The following AGBL4 variants were observed in gnomAD, a reference collection of about 807,000 sequenced individuals.
The protein encoded by AGBL4 is cytosolic carboxypeptidase 6.
Under a neutral mutation model 66.4 loss-of-function variants are expected in AGBL4, and 58 were observed. The ratio of observed to expected loss-of-function variants is 0.87; its 90% CI spans 0.71 to 1.09. The LOEUF (loss-of-function observed/expected upper bound fraction) is 1.09. Ranked by LOEUF, AGBL4 falls within the 50% of genes least tolerant of loss-of-function variation. AGBL4 has a pLI of 0.00. For synonymous variants in AGBL4, 234 were observed against 222.9 expected, an observed-to-expected ratio of 1.05 and a Z score of -0.44; for missense variants, 579 against 631.0, an observed-to-expected ratio of 0.92 and a Z score of 0.88.
chr1:48,784,303 C>G (rs1334694168), intron 6 of AGBL4, among the ~76,000 whole-genome samples: 1 of 152,116 alleles, frequency 6.6e-6, no homozygotes, highest in Non-Finnish European at 1.5e-5. Flanking sequence ...CATTCTGACA[C>G]AGAGTGGGGG....
chr1:49,430,029 TA>T (rs1476358839), intron 3 of AGBL4, among the ~76,000 whole-genome samples: 1 of 151,908 alleles, frequency 6.6e-6, no homozygotes, highest in Non-Finnish European at 1.5e-5. Flanking sequence ...GTATTTTTTG[TA>T]AAGATGAGGT....
chr1:49,211,925 T>C (rs947544482), intron 4 of AGBL4, among the ~76,000 whole-genome samples: 7 of 152,134 alleles, frequency 4.6e-5, no homozygotes, highest in African/African-American at 1.7e-4. Flanking sequence ...TACACGACTA[T>C]TGTGTCAGGC....
intron 2 of AGBL4, among the ~76,000 whole-genome samples, chr1:49,723,937 C>T (rs1648809846): frequency 6.6e-6 from 1 of 152,044 alleles, no homozygotes. Flanking sequence ...CAGAATAAGC[C>T]ATCAGGATTC....
intron 3 of AGBL4, among the ~76,000 whole-genome samples, chr1:49,694,511 G>C (rs1349056026): frequency 6.6e-6 from 1 of 152,088 alleles, no homozygotes; most frequent in Non-Finnish European, 1.5e-5. Flanking sequence ...TTTCTAATTG[G>C]AACAAGGATA....
chr1:49,658,752 G>T (rs561852537), intron 3 of AGBL4, among the ~76,000 whole-genome samples: 2 of 151,622 alleles, frequency 1.3e-5, no homozygotes, highest in Non-Finnish European at 2.9e-5. Flanking sequence ...GCAAACTATC[G>T]CAAGGACAAA....
chr1:49,329,439 G>T (rs1358339444), intron 3 of AGBL4, among the ~76,000 whole-genome samples: 1 of 152,204 alleles, frequency 6.6e-6, no homozygotes, highest in Non-Finnish European at 1.5e-5. Flanking sequence ...GCTGAGGCGG[G>T]TGGATTGCTT....
chr1:49,896,081 G>T (rs903994266), intron 1 of AGBL4, among the ~76,000 whole-genome samples: 7 of 152,098 alleles, frequency 4.6e-5, no homozygotes, highest in Non-Finnish European at 8.8e-5. Context: ...GCAGGAGTAG[G>T]TGTACTTACA....
intron 2 of AGBL4, among the ~76,000 whole-genome samples, chr1:49,784,166 A>G (rs1644398383): frequency 6.6e-6 from 1 of 152,116 alleles, no homozygotes; most frequent in South Asian, 2.1e-4. Context: ...GACTCAGAAC[A>G]GTCAGAATAA....
chr1:49,530,599 T>C (rs1469252469), intron 3 of AGBL4, among the ~76,000 whole-genome samples: 3 of 152,010 alleles, frequency 2.0e-5, no homozygotes, highest in African/African-American at 7.2e-5. Flanking sequence ...TATTTTGGGA[T>C]TGGGAAAATA....
Position 49,850,036 on chromosome 1 carries a change from C to T in AGBL4, c.157+1360G>A, listed in dbSNP as rs150041084. On this transcript the variant is annotated intron_variant, in intron 2 of 13. Coordinates refer to ENST00000371839, the MANE Select transcript of AGBL4 (RefSeq NM_032785.4). ...AAGCCATTGTTCTTAATTATGCGGA[C>T]AGTATTCAGGTCTGGTTGGAAGTAC... 4.9e-3 allele frequency among the ~76,000 whole-genome samples: 741 copies of T among 152,268 alleles called. 3 individuals carry two copies. The highest frequency in any genetic ancestry group is 0.014 in the Middle Eastern group (4 of 294).
chr1:48,801,910 CTTT>C (rs11322552), intron 6 of AGBL4, among the ~76,000 whole-genome samples: 34 of 144,362 alleles, frequency 2.4e-4, no homozygotes, highest in Admixed American at 2.8e-4. Flanking sequence ...TCCATAATAA[CTTT>C]TTTTTTTTTT....
At chr1:49,395,119 C>T (rs562363263) in intron 3 of AGBL4, among the ~76,000 whole-genome samples, 7 of 152,296 alleles carry the variant, frequency 4.6e-5, no homozygotes, top group Admixed American at 3.9e-4. Context: ...CTTAATCCAT[C>T]TCCTTTGGGG....
chr1:49,196,545 G>A (rs1647263316), intron 4 of AGBL4, among the ~76,000 whole-genome samples: 1 of 151,964 alleles, frequency 6.6e-6, no homozygotes, highest in Non-Finnish European at 1.5e-5. Context: ...GAAAATTACT[G>A]TTTCCTTTGG....
chr1:49,854,126 T>C lies in AGBL4; in HGVS notation c.35-2608A>G, dbSNP rs1022913362. On this transcript the variant is annotated intron_variant, in intron 1 of 13. Transcript: ENST00000371839. ...ATGCCATATGGAAAAGTAAAATATA[T>C]TACAAAAATTGCACAAAAGATAGAA... Among the ~76,000 whole-genome samples the C allele has an allele frequency of 2.6e-5, 4 of 151,774 alleles. No individual in the cohort carries two copies. In the East Asian group the frequency reaches 7.8e-4, roughly 30 times the overall value.
At chr1:48,733,255 C>A (rs1481865763) in intron 6 of AGBL4, among the ~76,000 whole-genome samples, 1 of 152,078 alleles carries the variant, frequency 6.6e-6, no homozygotes, top group Non-Finnish European at 1.5e-5. Context: ...AGTAGTAGAG[C>A]AGGAGCATAA....
At chr1:48,749,849 G>A (rs12750387) in intron 6 of AGBL4, among the ~76,000 whole-genome samples, 150,049 of 152,306 alleles carry the variant, frequency 0.99, 73,938 homozygotes, top group East Asian at 1. Flanking sequence ...GCCCTGTCAA[G>A]GAAGCATTGA....
chr1:49,951,733 A>G (rs1656172874), intron 1 of AGBL4, among the ~76,000 whole-genome samples: 1 of 151,940 alleles, frequency 6.6e-6, no homozygotes, highest in South Asian at 2.1e-4. Flanking sequence ...TAGGTTTGGC[A>G]ATGTATCAAT....
intron 4 of AGBL4, among the ~76,000 whole-genome samples, chr1:49,095,911 A>C (rs1419790487): frequency 1.3e-5 from 2 of 152,120 alleles, no homozygotes; most frequent in Non-Finnish European, 2.9e-5. Context: ...CAACCTACAA[A>C]ATGGGAGAAA....
At chr1:48,748,756 G>A (rs1426495769) in intron 6 of AGBL4, among the ~76,000 whole-genome samples, 1 of 152,164 alleles carries the variant, frequency 6.6e-6, no homozygotes, top group Non-Finnish European at 1.5e-5. Flanking sequence ...AAGGCTTCAG[G>A]AAAGTGGTGA....
Sources: gnomAD v4.1 joint callset for allele counts (sites outside exome capture counted in the v4.1 genomes callset) on GRCh38, gnomAD v4.1.1 for gene constraint, MANE v1.5 for transcripts, NCBI Gene and HGNC (gene_info 2026-07-23, HGNC 2026-07-21) for gene names.